The following PLXNA4 variants were observed in gnomAD, a reference collection of about 807,000 sequenced individuals.
The protein encoded by PLXNA4 is plexin A4.
PLXNA4 carries 44 observed loss-of-function variants against 191.8 expected under a neutral mutation model. The ratio of observed to expected loss-of-function variants is 0.23; its 90% CI spans 0.18 to 0.29. The LOEUF (loss-of-function observed/expected upper bound fraction) is 0.29. Among genes scored for constraint, PLXNA4 ranks in the 10% least tolerant of loss-of-function variants. The pLI, the probability that PLXNA4 is intolerant of heterozygous loss-of-function variation, is 1.00. For missense variants in PLXNA4, 1,800 were observed against 2,488.8 expected, an observed-to-expected ratio of 0.72 and a Z score of 5.89; for synonymous variants, 1,082 against 1,009.5, an observed-to-expected ratio of 1.07 and a Z score of -1.36.
rs75712523 is a variant in PLXNA4 at position 132,231,073 on chromosome 7, C to T, written c.1605-2604G>A. ...GCTCCTGAAAGCCCCAAAGAAACTA[C>T]TCATCATCTTCCCCCAATTTTAGGT... On this transcript the variant is annotated intron_variant, in intron 5 of 31. Coordinates refer to ENST00000321063, the MANE Select transcript of PLXNA4 (RefSeq NM_020911.2). Among the ~76,000 whole-genome samples the T allele has an allele frequency of 9.3e-3, 1,413 of 152,306 alleles. 28 individuals are homozygous for T. The highest frequency in any genetic ancestry group is 0.032 in the African/African-American group (1,342 of 41,546).
At chr7:132,158,961 A>G (rs1299458469) in intron 25 of PLXNA4, among the ~76,000 whole-genome samples, 3 of 151,840 alleles carry the variant, frequency 2.0e-5, no homozygotes, top group Middle Eastern at 3.4e-3. Context: ...TTCAAATCTC[A>G]TTTTCCCTAT....
At chr7:132,627,184 C>A (rs1261755911) in intron 2 of PLXNA4, among the ~76,000 whole-genome samples, 1 of 152,176 alleles carries the variant, frequency 6.6e-6, no homozygotes, top group Non-Finnish European at 1.5e-5. Context: ...CTTCCCAACA[C>A]CCATCCCATC....
intron 2 of PLXNA4, among the ~76,000 whole-genome samples, chr7:132,635,077 G>T (rs1158124390): frequency 4.6e-5 from 7 of 151,740 alleles, no homozygotes; most frequent in African/African-American, 1.5e-4. Context: ...CTTCAGTTTT[G>T]GGACTTGGAC....
chr7:132,579,022 A>T (rs1563185666), upstream of PLXNA4, among the ~76,000 whole-genome samples: 2 of 152,148 alleles, frequency 1.3e-5, no homozygotes, highest in South Asian at 4.1e-4. Flanking sequence ...TCTCTGCAAG[A>T]CTGGGATTAG....
At chr7:132,277,097 C>A (rs1403288383) in intron 4 of PLXNA4, among the ~76,000 whole-genome samples, 1 of 152,140 alleles carries the variant, frequency 6.6e-6, no homozygotes, top group Non-Finnish European at 1.5e-5. Context: ...AGTCACTTGG[C>A]CCCTTTTTCT....
At chr7:132,627,231 T>A (rs1803396371) in intron 2 of PLXNA4, among the ~76,000 whole-genome samples, 1 of 152,208 alleles carries the variant, frequency 6.6e-6, no homozygotes, top group Non-Finnish European at 1.5e-5. Flanking sequence ...CTAAATAACA[T>A]GCTTATGCTT....
At chr7:132,213,205 A>G (rs1797859223) in intron 9 of PLXNA4, among the ~76,000 whole-genome samples, 1 of 152,224 alleles carries the variant, frequency 6.6e-6, no homozygotes. Flanking sequence ...AGTCAAATTC[A>G]TAGAGACAGA....
chr7:132,333,153 G>C (rs1230092366), intron 3 of PLXNA4, among the ~76,000 whole-genome samples: 3 of 152,230 alleles, frequency 2.0e-5, no homozygotes, highest in Non-Finnish European at 4.4e-5. Flanking sequence ...AACTAGGATA[G>C]CAGCTCTCTG....
chr7:132,400,088 AAAAAT>A (rs1212266585), intron 3 of PLXNA4, among the ~76,000 whole-genome samples: 14 of 152,114 alleles, frequency 9.2e-5, no homozygotes, highest in Non-Finnish European at 2.1e-4. Context: ...CCCCCGGAGA[AAAAAT>A]AAAATAAAAT....
intron 1 of PLXNA4, among the ~76,000 whole-genome samples, chr7:132,518,292 TA>T (rs1158171127): frequency 6.6e-6 from 1 of 152,100 alleles, no homozygotes; most frequent in African/African-American, 2.4e-5. Flanking sequence ...TCACTACCAC[TA>T]GGGGGAAAAG....
chr7:132,452,921 T>C (rs1208479969), intron 3 of PLXNA4, among the ~76,000 whole-genome samples: 2 of 152,080 alleles, frequency 1.3e-5, no homozygotes, highest in African/African-American at 4.8e-5. Flanking sequence ...GGATATGTGT[T>C]GGGGTAGAGG....
At chr7:132,469,854 C>T (rs778810529) in intron 3 of PLXNA4, among the ~76,000 whole-genome samples, 4 of 152,198 alleles carry the variant, frequency 2.6e-5, no homozygotes, top group Non-Finnish European at 5.9e-5. Context: ...AAAACAGAAA[C>T]AAAACACAAC....
In PLXNA4 at chr7:132,129,964, C is replaced by T. The variant is rs925917971; in HGVS notation, c.*515G>A. ...CAAAGCGATCAGACCACTGGCTGAA[C>T]CACTGGAGATGGAACTGTGGGAAGG... On this transcript the variant is annotated 3_prime_UTR_variant, in exon 32 of 32. Coordinates refer to ENST00000321063, the MANE Select transcript of PLXNA4 (RefSeq NM_020911.2). The T allele has an allele frequency of 6.2e-6, 1 of 162,372 alleles. No homozygotes were observed. The highest frequency in any genetic ancestry group is 2.4e-5 in the African/African-American group (1 of 41,852). 10.1% of individuals were successfully genotyped at this position (162,372 alleles called of 1,614,324 possible). A position where few individuals can be genotyped will look rare whatever the true frequency, so the allele number is the denominator to read the frequency against.
upstream of PLXNA4, among the ~76,000 whole-genome samples, chr7:132,577,528 A>C (rs1440356232): frequency 1.3e-5 from 2 of 151,592 alleles, no homozygotes; most frequent in Non-Finnish European, 2.9e-5. Context: ...AGCGGCCGGC[A>C]GAGGGGGCAG....
At chr7:132,194,577 T>C (rs1282290480) in intron 13 of PLXNA4, among the ~76,000 whole-genome samples, 1 of 152,218 alleles carries the variant, frequency 6.6e-6, no homozygotes, top group African/African-American at 2.4e-5. Flanking sequence ...AACCAGAACT[T>C]GGAACAGACC....
At chr7:132,640,775 GAAAA>G (rs71178048) in intron 2 of PLXNA4, among the ~76,000 whole-genome samples, 6 of 101,012 alleles carry the variant, frequency 5.9e-5, no homozygotes, top group African/African-American at 1.3e-4. Flanking sequence ...TATGTCTACT[GAAAA>G]AAAAAAAAGG....
At chr7:132,134,922 A>G (rs149097223) in intron 30 of PLXNA4, among the ~76,000 whole-genome samples, 2 of 152,260 alleles carry the variant, frequency 1.3e-5, no homozygotes, top group African/African-American at 4.8e-5. Context: ...ACCCGCCCCA[A>G]AACACATCCT....
At chr7:132,438,710 A>C (rs1795571050) in intron 3 of PLXNA4, among the ~76,000 whole-genome samples, 1 of 152,076 alleles carries the variant, frequency 6.6e-6, no homozygotes, top group African/African-American at 2.4e-5. Context: ...ACATATTAAC[A>C]CCTCAATAGC....
chr7:132,179,608 A>T, intron 20 of PLXNA4, 79 bp downstream of exon 20: 1 of 1,540,104 alleles, frequency 6.5e-7, no homozygotes, highest in Non-Finnish European at 8.8e-7. Flanking sequence ...ACATATGCAT[A>T]CACATACACA....
Sources: gnomAD v4.1 joint callset for allele counts (sites outside exome capture counted in the v4.1 genomes callset) on GRCh38, gnomAD v4.1.1 for gene constraint, MANE v1.5 for transcripts, NCBI Gene and HGNC (gene_info 2026-07-23, HGNC 2026-07-21) for gene names.